The following TLL2 variants were observed in gnomAD, a reference collection of about 807,000 sequenced individuals.
TLL2 encodes tolloid-like protein 2.
TLL2 carries 106 observed loss-of-function variants against 123.0 expected under a neutral mutation model. The observed-to-expected ratio is 0.86, with a 90% confidence interval of 0.74 to 1.01. The LOEUF is 1.01. Ranked by LOEUF, TLL2 falls within the 50% of genes least tolerant of loss-of-function variation. The pLI, the probability that TLL2 is intolerant of heterozygous loss-of-function variation, is 0.00. For missense variants in TLL2, 1,332 were observed against 1,336.7 expected (o/e 1.00, Z 0.06); for synonymous variants, 494 against 516.8 (o/e 0.96, Z 0.60).
chr10:96,459,705 A>AATATATATATAT, intron 2 of TLL2, among the ~76,000 whole-genome samples: 545 of 37,962 alleles, frequency 0.014, 9 homozygotes, highest in Middle Eastern at 0.017. Flanking sequence ...AAAAAAAAAA[A>AATATATATATAT]ATATATATAT....
rs1236192094 is a variant in TLL2, at chr10:96,366,557, C to G, written c.*1531G>C. 6.6e-6 allele frequency: 1 copy of G among 152,512 alleles called. No homozygotes were observed. Among genetic ancestry groups the G allele is most frequent in the Non-Finnish European group, 1.5e-5 (1 of 68,036 alleles). 9.4% of individuals were successfully genotyped at this position (152,512 alleles called of 1,614,324 possible). On this transcript the variant is annotated 3_prime_UTR_variant, in exon 21 of 21. Coordinates refer to ENST00000357947, the MANE Select transcript of TLL2 (RefSeq NM_012465.4). ...CTTTGTATCATTCTAGTTTTTGCTC[C>G]CAGCAATCACTTTAATGAGACACAG... is the stretch of plus-strand genomic sequence containing the variant.
At chr10:96,393,603 G>T (rs1180733916) in intron 13 of TLL2, among the ~76,000 whole-genome samples, 1 of 152,268 alleles carries the variant, frequency 6.6e-6, no homozygotes, top group Non-Finnish European at 1.5e-5. Context: ...GCATGTGCAG[G>T]CTGGGCCAGG....
At chr10:96,368,366 T>C (rs1211622161) in intron 20 of TLL2, 144 bp from the exon 21 acceptor site, 1 of 979,462 alleles carries the variant, frequency 1.0e-6, no homozygotes, top group Non-Finnish European at 1.5e-6. Flanking sequence ...CAAGCTCCTT[T>C]TCAAAAGAAA....
At chr10:96,368,806 G>A (rs1048160647) in intron 20 of TLL2, among the ~76,000 whole-genome samples, 2 of 152,208 alleles carry the variant, frequency 1.3e-5, no homozygotes, top group Non-Finnish European at 2.9e-5. Flanking sequence ...TGGGAGCCAC[G>A]TTCCAAGGCT....
intron 1 of TLL2, among the ~76,000 whole-genome samples, chr10:96,489,552 GAGAA>G (rs1368714290): frequency 6.6e-6 from 1 of 152,014 alleles, no homozygotes; most frequent in Non-Finnish European, 1.5e-5. Flanking sequence ...GAGAGAGAGA[GAGAA>G]AGAAAGAAAG....
chr10:96,371,689 G>T (rs3789942), intron 19 of TLL2, among the ~76,000 whole-genome samples: 21,994 of 152,190 alleles, frequency 0.14, 1,648 homozygotes, highest in South Asian at 0.23. Context: ...CCCTCCATCC[G>T]GCCGGACGCC....
chr10:96,452,645 G>A (rs1357316407), intron 2 of TLL2, among the ~76,000 whole-genome samples: 1 of 152,238 alleles, frequency 6.6e-6, no homozygotes, highest in Non-Finnish European at 1.5e-5. Flanking sequence ...ATGATTGAAT[G>A]TGCATTTCAA....
Position 96,368,232 on chromosome 10 carries a change from G to A in TLL2, c.2914-10C>T. The A allele has an allele frequency of 3.7e-6, 6 of 1,613,362 alleles. No individual in the cohort carries two copies. The East Asian group carries it at 6.7e-5, about 18-fold the overall frequency. On this transcript the variant is annotated splice_polypyrimidine_tract_variant and intron_variant, in intron 20 of 20. Transcript: ENST00000357947. ...AGATTTCTTCTAATGGCTGAGGAAA[G>A]GAGAAAGGGAAACGAGAAGGACTTT...
At chr10:96,404,495 A>G (rs1846430132) in intron 10 of TLL2, among the ~76,000 whole-genome samples, 1 of 152,222 alleles carries the variant, frequency 6.6e-6, no homozygotes, top group Admixed American at 6.5e-5. Context: ...ATGTATATTT[A>G]TAATTTTACT....
intron 2 of TLL2, among the ~76,000 whole-genome samples, chr10:96,459,607 T>C (rs1257490730): frequency 7.5e-6 from 1 of 132,458 alleles, no homozygotes; most frequent in Non-Finnish European, 1.5e-5. Flanking sequence ...GAGGCGGAGG[T>C]TGCAGTCAAC....
intron 1 of TLL2, among the ~76,000 whole-genome samples, chr10:96,500,637 T>C (rs1847525191): frequency 1.3e-5 from 2 of 152,080 alleles, no homozygotes; most frequent in Admixed American, 1.3e-4. Flanking sequence ...CTACGACACA[T>C]ACAAAAATTA....
chr10:96,407,756 G>C (rs967396551), intron 9 of TLL2, among the ~76,000 whole-genome samples: 2 of 152,160 alleles, frequency 1.3e-5, no homozygotes, highest in Non-Finnish European at 2.9e-5. Context: ...CGATCTCCTA[G>C]GAAACGAAGT....
At position 96,480,348 on chromosome 10, in the gene TLL2, C is replaced by T. The variant is rs1317910503; in HGVS notation, c.286+1G>A. The T allele has an allele frequency of 1.2e-6, 2 of 1,613,834 alleles. No individual in the cohort carries two copies. The highest frequency in any genetic ancestry group is 2.2e-5 in the South Asian group (2 of 91,068). ...AGGAGAAGGGAGGAAGCAGTACCTA[C>T]CTGTGCTGTGTCCTGTTGCCCCCAC... On this transcript the variant is annotated splice_donor_variant, in intron 2 of 20. Transcript: ENST00000357947. LOFTEE classifies it high-confidence loss of function.
chr10:96,411,061 G>A lies in TLL2; in HGVS notation c.1049-587C>T, dbSNP rs1035453986. The stretch of plus-strand genomic sequence containing the variant: ...GTTCGAGACCAGCCTGGCCAACATG[G>A]GGAAACCCCATCTCTACTAAAAATA... On this transcript the variant is annotated intron_variant, in intron 8 of 20. Transcript: ENST00000357947. Among the ~76,000 whole-genome samples the A allele has an allele frequency of 2.6e-5, 4 of 151,994 alleles. No individual in the cohort carries two copies. The East Asian group carries it at 5.8e-4, about 22-fold the overall frequency.
At position 96,413,446 on chromosome 10, in the gene TLL2, G is replaced by A. The variant is rs937966328; in HGVS notation, c.924-130C>T. 5.0e-6 allele frequency: 6 copies of A among 1,195,808 alleles called. No homozygotes were observed. The African/African-American group carries it at 9.2e-5, about 18-fold the overall frequency. 74.1% of individuals were successfully genotyped at this position (1,195,808 alleles called of 1,614,324 possible). On this transcript the variant is annotated intron_variant, in intron 7 of 20. Coordinates refer to ENST00000357947, the MANE Select transcript of TLL2 (RefSeq NM_012465.4). Reference sequence around the variant, plus strand: ...CTGCCCCCTGGCCAGCCTCTCCCAGGCTGGCATGACTGAAGAGGTTTCCTT... The same window carrying A: ...CTGCCCCCTGGCCAGCCTCTCCCAGACTGGCATGACTGAAGAGGTTTCCTT...
At chr10:96,469,078 G>A (rs1352494233) in intron 2 of TLL2, among the ~76,000 whole-genome samples, 1 of 152,262 alleles carries the variant, frequency 6.6e-6, no homozygotes, top group African/African-American at 2.4e-5. Flanking sequence ...CCTGGTTCCT[G>A]TGCTGACATC....
At position 96,389,775 on chromosome 10, in the gene TLL2, GC is replaced by G. The variant is rs1452074159; in HGVS notation, c.1727-2698del. Among the ~76,000 whole-genome samples, 11 of 152,372 alleles carry G rather than the reference GC, an allele frequency of 7.2e-5. No individual in the cohort carries two copies. In the East Asian group the frequency reaches 2.1e-3, roughly 29 times the overall value. On this transcript the variant is annotated intron_variant, in intron 13 of 20. Transcript: ENST00000357947. ...CATCTTAGCCAGGTGAAGGGAGAGAGCCCGGTGGATGGACCTAGGGCAAAAG... is the reference window on the plus strand; with the variant it reads ...CATCTTAGCCAGGTGAAGGGAGAGAGCCGGTGGATGGACCTAGGGCAAAAG...
intron 2 of TLL2, among the ~76,000 whole-genome samples, chr10:96,475,716 T>C (rs563306286): frequency 3.3e-5 from 5 of 152,124 alleles, no homozygotes; most frequent in African/African-American, 1.2e-4. Flanking sequence ...CCTCTCCCCT[T>C]GAGCCCTCTC....
chr10:96,500,376 T>C (rs1478555551), intron 1 of TLL2, among the ~76,000 whole-genome samples: 1 of 152,034 alleles, frequency 6.6e-6, no homozygotes, highest in East Asian at 1.9e-4. Context: ...AAAAGGAGAA[T>C]CAGAAGGCCT....
Sources: gnomAD v4.1 joint callset for allele counts (sites outside exome capture counted in the v4.1 genomes callset) on GRCh38, gnomAD v4.1.1 for gene constraint, MANE v1.5 for transcripts, NCBI Gene and HGNC (gene_info 2026-07-23, HGNC 2026-07-21) for gene names.